NDRG2: variants seen among roughly 807,000 people sequenced by gnomAD.
The protein encoded by NDRG2 is NDRG family member 2, also known as protein NDRG2.
NDRG2 carries 34 observed loss-of-function variants against 58.2 expected under a neutral mutation model. That is an observed-to-expected ratio of 0.58 (90% CI 0.44 to 0.78). NDRG2 has a LOEUF of 0.78. NDRG2 is among the 30% of genes least tolerant of loss of function. The pLI is 0.00. For synonymous variants in NDRG2, 187 were observed against 175.9 expected (o/e 1.06, Z -0.50); for missense variants, 434 against 471.2 (o/e 0.92, Z 0.73).
intron 1 of NDRG2, among the ~76,000 whole-genome samples, chr14:21,044,697 A>G (rs1390459740): frequency 2.6e-5 from 4 of 152,150 alleles, no homozygotes; most frequent in African/African-American, 9.7e-5. Context: ...TGGTCTCTCC[A>G]ACATTGCTTG....
At chr14:21,034,379 C>A in intron 1 of NDRG2, 1 of 896,142 alleles carries the variant, frequency 1.1e-6, no homozygotes, top group Admixed American at 2.5e-5. Flanking sequence ...CATTCCCAAC[C>A]CAACAGTACT....
In NDRG2 at chr14:21,070,678, C is replaced by A. The variant is rs1594539368; in HGVS notation, c.24+150G>T. ...CCCCTAATCCACACACCTCCCCGCT[C>A]CCCGCCCTCCTCTGTCCTGACCTGT... On this transcript the variant is annotated intron_variant, in intron 1 of 14. Coordinates refer to the NDRG2 transcript ENST00000403829. The surrounding 1 kb of genome is among the most constrained non-coding windows in gnomAD (Gnocchi z 4.7). 4 of 942,122 alleles carry A rather than the reference C, an allele frequency of 4.2e-6. No individual in the cohort carries two copies. In the South Asian group the frequency reaches 6.4e-5, roughly 15 times the overall value. 58.4% of individuals were successfully genotyped at this position (942,122 alleles called of 1,614,324 possible).
intron 15 of NDRG2, 29 bp downstream of exon 15, chr14:21,017,958 G>A: frequency 1.2e-6 from 2 of 1,614,132 alleles, no homozygotes; most frequent in South Asian, 1.1e-5. Context: ...CTCTCCTCTA[G>A]TGCAGCAAGC....
intron 1 of NDRG2, chr14:21,058,152 T>C: frequency 1.2e-6 from 2 of 1,613,968 alleles, no homozygotes; most frequent in Non-Finnish European, 1.7e-6. Context: ...ACCCCCAACA[T>C]AGCCTGCAAG....
At chr14:21,055,454 C>T (rs938833889) in intron 1 of NDRG2, among the ~76,000 whole-genome samples, 2 of 152,164 alleles carry the variant, frequency 1.3e-5, no homozygotes, top group Admixed American at 1.3e-4. Context: ...AGATTCTAAG[C>T]ACTGAGCCTC....
chr14:21,026,718 A>G (rs1883685821), upstream of NDRG2, among the ~76,000 whole-genome samples: 1 of 152,018 alleles, frequency 6.6e-6, no homozygotes, highest in African/African-American at 2.4e-5. Context: ...GGAGCACCCA[A>G]CTTTTCTTCT....
At chr14:21,056,686 ACT>A (rs1185897371) in intron 1 of NDRG2, among the ~76,000 whole-genome samples, 1 of 152,126 alleles carries the variant, frequency 6.6e-6, no homozygotes, top group African/African-American at 2.4e-5. Flanking sequence ...CCTATGGGAA[ACT>A]CTTTCCTCTT....
At chr14:21,031,409 G>C (rs756015232) in intron 1 of NDRG2, 1 of 495,668 alleles carries the variant, frequency 2.0e-6, no homozygotes, top group Non-Finnish European at 3.5e-6. Context: ...TCTGAGCCAG[G>C]CAATTAGGGC....
At chr14:21,033,996 T>C (rs762612022) in intron 1 of NDRG2, 2 of 1,614,074 alleles carry the variant, frequency 1.2e-6, no homozygotes, top group East Asian at 4.5e-5. Flanking sequence ...TGTGCAGTAT[T>C]CATTGTAATT....
chr14:21,030,693 G>A, upstream of NDRG2: 7 of 1,614,168 alleles, frequency 4.3e-6, no homozygotes, highest in Non-Finnish European at 5.9e-6. Flanking sequence ...CAAAGACTGT[G>A]GCATCATGGA....
chr14:21,066,445 A>T (rs1886273362), intron 1 of NDRG2, among the ~76,000 whole-genome samples: 1 of 151,760 alleles, frequency 6.6e-6, no homozygotes, highest in African/African-American at 2.4e-5. Context: ...TCAGCCTCCC[A>T]AGTAGCTGGG....
chr14:21,033,952 A>T, intron 1 of NDRG2: 2 of 1,613,940 alleles, frequency 1.2e-6, no homozygotes, highest in Non-Finnish European at 1.7e-6. Context: ...TGGCTCAGGG[A>T]GCAGACCGTG....
At chr14:21,050,488 G>A (rs2139134594) in intron 1 of NDRG2, among the ~76,000 whole-genome samples, 1 of 152,252 alleles carries the variant, frequency 6.6e-6, no homozygotes. Context: ...CCTTGAATTT[G>A]GCATATCCAG....
At chr14:21,049,332 C>T (rs74907529) in intron 1 of NDRG2, among the ~76,000 whole-genome samples, 3,214 of 152,302 alleles carry the variant, frequency 0.021, 48 homozygotes, top group Middle Eastern at 0.031. Context: ...CCTCCACCAA[C>T]GCCTGTGACT....
At chr14:21,058,108 C>G (rs770559955) in intron 1 of NDRG2, 2 of 1,614,190 alleles carry the variant, frequency 1.2e-6, no homozygotes, top group South Asian at 2.2e-5. Context: ...CCTTCCTGCA[C>G]GAGCCCTTCT....
intron 1 of NDRG2, among the ~76,000 whole-genome samples, chr14:21,052,270 A>T (rs1472376463): frequency 6.6e-6 from 1 of 152,228 alleles, no homozygotes; most frequent in Non-Finnish European, 1.5e-5. Context: ...TTCCTGTCCC[A>T]CGAGTTTACC....
intron 1 of NDRG2, among the ~76,000 whole-genome samples, chr14:21,065,886 G>A (rs765856643): frequency 1.3e-5 from 2 of 152,178 alleles, no homozygotes; most frequent in Non-Finnish European, 2.9e-5. Context: ...ATCACCTGAG[G>A]TCAGGAGTTT....
chr14:21,024,564 CAA>C lies in NDRG2; in HGVS notation c.-543_-542del. Reference sequence around the variant, plus strand: ...TCCCTCCACAATTTAAAAACAAACACAAAGATTGGTGCCGTCGCTTCTCTCCT... The same window carrying C: ...TCCCTCCACAATTTAAAAACAAACACAGATTGGTGCCGTCGCTTCTCTCCT... On this transcript the variant is annotated 5_prime_UTR_variant, in exon 1 of 16. The change abolishes the stop of an existing upstream ORF in the 5' untranslated region. Transcript: ENST00000556147. 1 of 985,452 alleles carries C rather than the reference CAA, an allele frequency of 1.0e-6. No individual in the cohort carries two copies. Among genetic ancestry groups the C allele is most frequent in the Non-Finnish European group, 1.2e-6 (1 of 829,942 alleles). The allele number at this position is 985,452 out of a possible 1,614,324, so 61.0% of individuals were successfully genotyped here. A position where few individuals can be genotyped will look rare whatever the true frequency, so the allele number is the denominator to read the frequency against.
chr14:21,022,905 C>T lies in NDRG2; in HGVS notation c.76G>A (p.Glu26Lys). ...AGGATTCGGGCAGCTAACTCAGCCT[C>T]CTGGAGAGACACACACGGATTCACA... is the stretch of plus-strand genomic sequence containing the variant. ...LPGQTPEAAK[E>K]AELAARILLD... The change falls in exon 3 of 16, where the codon GAG becomes AAG. Residue 26 changes from glutamate to lysine, a missense_variant and splice_region_variant. By Grantham distance (56) the Glu-to-Lys change is moderately conservative. Coordinates refer to ENST00000556147, the MANE Select transcript of NDRG2 (RefSeq NM_001320329.2). 6.2e-7 allele frequency: 1 copy of T among 1,613,994 alleles called. No homozygotes were observed. Among genetic ancestry groups the T allele is most frequent in the Non-Finnish European group, 8.5e-7 (1 of 1,179,968 alleles).
Sources: allele counts gnomAD v4.1 joint callset (sites outside exome capture counted in the v4.1 genomes callset), GRCh38; gene constraint gnomAD v4.1.1; non-coding constraint Gnocchi (gnomAD v3.1); transcripts MANE v1.5; gene names NCBI Gene and HGNC (gene_info 2026-07-23, HGNC 2026-07-21).